The following DDHD1 variants were observed in gnomAD, a reference collection of about 807,000 sequenced individuals.
DDHD1 encodes the protein phospholipase DDHD1.
Under a neutral mutation model 96.4 loss-of-function variants are expected in DDHD1, and 49 were observed. That is an observed-to-expected ratio of 0.51 (90% CI 0.40 to 0.64). The LOEUF is 0.64. DDHD1 is among the 30% of genes least tolerant of loss of function. The probability of loss-of-function intolerance (pLI) is 0.00; values close to 1 mark genes in which losing one functional copy is unlikely to be tolerated. For synonymous variants in DDHD1, 442 were observed against 446.5 expected (o/e 0.99, Z 0.13); for missense variants, 1,106 against 1,161.2 (o/e 0.95, Z 0.69).
At chr14:53,093,810 T>C (rs1230344599) in intron 2 of DDHD1, 1 of 170,866 alleles carries the variant, frequency 5.9e-6, no homozygotes, top group African/African-American at 2.4e-5. Flanking sequence ...AAGCCCTCAA[T>C]AGCTTTGACA....
chr14:53,052,502 C>T (rs1882686304), intron 11 of DDHD1: 1 of 152,018 alleles, frequency 6.6e-6, no homozygotes, highest in South Asian at 2.1e-4. Context: ...ATCACAATGA[C>T]CAAATTTCAG....
chr14:53,101,439 GA>G (rs1887286642), intron 2 of DDHD1, among the ~76,000 whole-genome samples: 1 of 151,974 alleles, frequency 6.6e-6, no homozygotes, highest in Non-Finnish European at 1.5e-5. Context: ...AGAACATGCT[GA>G]ATCTTATATG....
chr14:53,054,652 G>C (rs778684896), intron 10 of DDHD1, 23 bp from the exon 11 acceptor site: 18 of 1,607,472 alleles, frequency 1.1e-5, no homozygotes, highest in Non-Finnish European at 8.5e-7. Context: ...AAGCAGGGTA[G>C]TCATTCTGTT....
chr14:53,118,851 A>G (rs183395645), intron 1 of DDHD1, among the ~76,000 whole-genome samples: 22 of 152,236 alleles, frequency 1.4e-4, no homozygotes, highest in Non-Finnish European at 1.5e-5. Context: ...ACCCCAAGAC[A>G]CATTAATTGT....
Position 53,062,967 on chromosome 14 carries a change from T to C in DDHD1, c.1742A>G (p.Asp581Gly), listed in dbSNP as rs746305110. Residue 581 changes from aspartate (D) to glycine (G), a missense_variant, in exon 7 of 13, where the codon GAT becomes GGT. Transcript: ENST00000673822. ...CCGTCGTTTAGTTATATAGAGTTCA[T>C]CAAGAAGATGTCGTTCTTCATAGCT... The part of the protein sequence containing the change: ...WMSYEERHLL[D>G]ELYITKRRLK... 9 of 1,613,686 alleles carry C rather than the reference T, an allele frequency of 5.6e-6. No homozygotes were observed. The South Asian group carries it at 8.8e-5, about 16-fold the overall frequency.
chr14:53,074,305 A>C (rs1884770001), intron 4 of DDHD1, among the ~76,000 whole-genome samples: 1 of 151,782 alleles, frequency 6.6e-6, no homozygotes, highest in South Asian at 2.1e-4. Context: ...AGTTATATAA[A>C]TTTTAGCACA....
intron 4 of DDHD1, among the ~76,000 whole-genome samples, chr14:53,082,518 G>A (rs1337972358): frequency 1.3e-5 from 2 of 150,458 alleles, no homozygotes; most frequent in African/African-American, 4.9e-5. Flanking sequence ...CAGCACATTG[G>A]GAAGCTGAGG....
At chr14:53,084,282 G>A (rs546960327) in intron 4 of DDHD1, among the ~76,000 whole-genome samples, 2 of 152,248 alleles carry the variant, frequency 1.3e-5, no homozygotes, top group African/African-American at 4.8e-5. Context: ...TGACTTGCTT[G>A]GCAATATGAC....
intron 4 of DDHD1, among the ~76,000 whole-genome samples, chr14:53,086,258 C>T (rs1359871137): frequency 3.9e-5 from 6 of 152,238 alleles, no homozygotes; most frequent in East Asian, 1.9e-4. Flanking sequence ...ACTTCCCCAA[C>T]CTAGCAAGGC....
chr14:53,070,541 A>C (rs1884428585), intron 6 of DDHD1, among the ~76,000 whole-genome samples: 2 of 152,180 alleles, frequency 1.3e-5, no homozygotes, highest in African/African-American at 4.8e-5. Flanking sequence ...TGGGGTATGG[A>C]ATAGAACTGT....
At chr14:53,063,680 A>G (rs2139873665) in intron 6 of DDHD1, among the ~76,000 whole-genome samples, 1 of 152,252 alleles carries the variant, frequency 6.6e-6, no homozygotes. Context: ...ATTATTGTGC[A>G]TTTAGATAGA....
chr14:53,120,482 T>C (rs949455645), intron 1 of DDHD1, among the ~76,000 whole-genome samples: 1 of 152,106 alleles, frequency 6.6e-6, no homozygotes, highest in Non-Finnish European at 1.5e-5. Flanking sequence ...AAAGAGCCTG[T>C]ATAGCCAAGA....
At chr14:53,125,970 G>C (rs1165217046) in intron 1 of DDHD1, among the ~76,000 whole-genome samples, 1 of 152,074 alleles carries the variant, frequency 6.6e-6, no homozygotes, top group African/African-American at 2.4e-5. Context: ...CAAAGTGCTG[G>C]GATTACAGGC....
chr14:53,090,187 C>A (rs28888450), intron 4 of DDHD1, among the ~76,000 whole-genome samples: 4,018 of 152,226 alleles, frequency 0.026, 167 homozygotes, highest in African/African-American at 0.09. Flanking sequence ...CCATCTCACA[C>A]CAGTTAGAAT....
intron 1 of DDHD1, among the ~76,000 whole-genome samples, chr14:53,114,008 G>C (rs1043625055): frequency 1.2e-4 from 18 of 152,184 alleles, no homozygotes; most frequent in African/African-American, 4.3e-4. Flanking sequence ...GTCTGAAGTC[G>C]ACCAGGGACA....
chr14:53,049,438 C>T (rs1047188819), intron 12 of DDHD1, among the ~76,000 whole-genome samples: 1 of 152,066 alleles, frequency 6.6e-6, no homozygotes, highest in African/African-American at 2.4e-5. Context: ...TATGTTCCAT[C>T]TTTTTTCTCT....
rs1247977814 is a variant in DDHD1, at chr14:53,152,278, T to C, written c.821A>G (p.Tyr274Cys). The C allele has an allele frequency of 6.2e-7, 1 of 1,610,190 alleles. No homozygotes were observed. Among genetic ancestry groups the C allele is most frequent in the African/African-American group, 1.3e-5 (1 of 74,870 alleles). The change falls in exon 1 of 13, where the codon TAC becomes TGC. Residue 274 changes from tyrosine (Y) to cysteine (C), a missense_variant. Coordinates refer to ENST00000673822, the MANE Select transcript of DDHD1 (RefSeq NM_001160148.2). Reference protein sequence around the residue: ...YEVDVTQGECYPVYWNQADKI... With the variant: ...YEVDVTQGECCPVYWNQADKI... ...CTACTCACGGTTCCAGTACACCGGGTAGCACTCTCCTTGGGTCACATCCAC... is the reference window on the plus strand; with the variant it reads ...CTACTCACGGTTCCAGTACACCGGGCAGCACTCTCCTTGGGTCACATCCAC...
At chr14:53,128,014 C>T (rs1013108599) in intron 1 of DDHD1, among the ~76,000 whole-genome samples, 1 of 152,192 alleles carries the variant, frequency 6.6e-6, no homozygotes, top group Non-Finnish European at 1.5e-5. Flanking sequence ...TTGCCCCATG[C>T]TATTCTGACA....
intron 1 of DDHD1, among the ~76,000 whole-genome samples, chr14:53,138,034 C>T (rs1890363003): frequency 6.6e-6 from 1 of 152,164 alleles, no homozygotes; most frequent in African/African-American, 2.4e-5. Flanking sequence ...AAATGTCCAC[C>T]TAGGATTCTA....
Sources: allele counts gnomAD v4.1 joint callset (sites outside exome capture counted in the v4.1 genomes callset), GRCh38; gene constraint gnomAD v4.1.1; transcripts MANE v1.5; gene names NCBI Gene and HGNC (gene_info 2026-07-23, HGNC 2026-07-21).